EPS15L1: variants seen among roughly 807,000 people sequenced by gnomAD.
EPS15L1 encodes the protein epidermal growth factor receptor pathway substrate 15 like 1.
A neutral mutation model predicts 117.1 loss-of-function variants in EPS15L1; 43 were observed. The ratio of observed to expected loss-of-function variants is 0.37; its 90% CI spans 0.29 to 0.47. The LOEUF (loss-of-function observed/expected upper bound fraction) is 0.47. EPS15L1 is among the 20% of genes least tolerant of loss of function. EPS15L1 has a pLI of 0.99. For missense variants in EPS15L1, 981 were observed against 1,164.0 expected (o/e 0.84, Z 2.29); for synonymous variants, 459 against 470.5 (o/e 0.98, Z 0.32).
At chr19:16,468,865 A>G (rs1385362278) in intron 1 of EPS15L1, among the ~76,000 whole-genome samples, 1 of 152,162 alleles carries the variant, frequency 6.6e-6, no homozygotes, top group Non-Finnish European at 1.5e-5. Flanking sequence ...AAAATTGTTT[A>G]ATTAGCTGGG....
chr19:16,400,657 A>G (rs2092591366), intron 16 of EPS15L1: 6 of 985,324 alleles, frequency 6.1e-6, no homozygotes, highest in South Asian at 9.4e-5. Flanking sequence ...TATTTGTACA[A>G]CAGGATAAAA....
intron 1 of EPS15L1, among the ~76,000 whole-genome samples, chr19:16,444,183 AAAG>A (rs1448569130): frequency 6.6e-6 from 1 of 151,876 alleles, no homozygotes; most frequent in Non-Finnish European, 1.5e-5. Context: ...AAAAAAAAAA[AAAG>A]AGGAAAAGAA....
chr19:16,410,042 GA>G, intron 13 of EPS15L1, among the ~76,000 whole-genome samples: 1 of 149,956 alleles, frequency 6.7e-6, no homozygotes, highest in Non-Finnish European at 1.5e-5. Flanking sequence ...GCCGAGGCAC[GA>G]AAATCATTTG....
intron 16 of EPS15L1, among the ~76,000 whole-genome samples, chr19:16,400,321 A>AG (rs2092585594): frequency 6.7e-6 from 1 of 148,634 alleles, no homozygotes; most frequent in Admixed American, 6.9e-5. Flanking sequence ...TGGGAGACAG[A>AG]GCGAGACTCC....
chr19:16,392,307 C>G lies in EPS15L1; in HGVS notation c.2100G>C (p.Ser700=), dbSNP rs765050854. The G allele has an allele frequency of 6.2e-7, 1 of 1,613,824 alleles. No individual in the cohort carries two copies. The highest frequency in any genetic ancestry group is 8.5e-7 in the Non-Finnish European group (1 of 1,179,844). ...DPFTKNPSLP[S]KLDPFESSDP... ...GGCAACGTCCCACCCCACTCACCTT[C>G]GAAGGTAAGGAAGGGTTTTTCGTGA... Residue 700 remains serine (S), a synonymous_variant, in exon 19 of 24, where the codon TCG becomes TCC. Coordinates refer to ENST00000455140, the MANE Select transcript of EPS15L1 (RefSeq NM_001258374.3).
intron 1 of EPS15L1, among the ~76,000 whole-genome samples, chr19:16,462,400 C>A (rs1013166503): frequency 6.6e-6 from 1 of 152,136 alleles, no homozygotes; most frequent in Non-Finnish European, 1.5e-5. Flanking sequence ...GTGGCTCACA[C>A]CTGTAATCCC....
intron 7 of EPS15L1, among the ~76,000 whole-genome samples, chr19:16,433,889 G>C (rs1243322177): frequency 1.3e-5 from 2 of 152,044 alleles, no homozygotes; most frequent in African/African-American, 4.8e-5. Context: ...CTTGAACCGG[G>C]GAGGCAGAGG....
intron 13 of EPS15L1, chr19:16,413,466 G>A (rs1285388900): frequency 5.4e-6 from 4 of 742,196 alleles, no homozygotes; most frequent in Admixed American, 4.6e-5. Context: ...CCTCTGGAAG[G>A]AGACTGTATT....
At chr19:16,410,842 G>C (rs1190961208) in intron 13 of EPS15L1, among the ~76,000 whole-genome samples, 1 of 152,202 alleles carries the variant, frequency 6.6e-6, no homozygotes, top group African/African-American at 2.4e-5. Flanking sequence ...GAGTCTGGGA[G>C]GCAGAAGTTG....
chr19:16,361,562 G>A lies in EPS15L1; in HGVS notation c.2586+217C>T, dbSNP rs2092051511. The A allele has an allele frequency of 1.1e-5, 15 of 1,308,020 alleles. No individual in the cohort carries two copies. In the South Asian group the frequency reaches 2.5e-4, roughly 22 times the overall value. 81.0% of individuals were successfully genotyped at this position (1,308,020 alleles called of 1,614,324 possible). A position where few individuals can be genotyped will look rare whatever the true frequency, so the allele number is the denominator to read the frequency against. On this transcript the variant is annotated intron_variant, in intron 23 of 23. Coordinates refer to ENST00000455140, the MANE Select transcript of EPS15L1 (RefSeq NM_001258374.3). Reference sequence around the variant, plus strand: ...CTGCTGGAAGAAAACGTGCCCTTATGATAGAGCATCCAAACTGCGGCTCTT... The same window carrying A: ...CTGCTGGAAGAAAACGTGCCCTTATAATAGAGCATCCAAACTGCGGCTCTT...
At chr19:16,384,161 C>T (rs2092393805) in intron 21 of EPS15L1, 1 of 150,896 alleles carries the variant, frequency 6.6e-6, no homozygotes, top group Non-Finnish European at 1.5e-5. Flanking sequence ...GAAAGCAGGC[C>T]CCTGCAGCCC....
intron 23 of EPS15L1, among the ~76,000 whole-genome samples, chr19:16,360,136 A>T (rs750118617): frequency 1.3e-5 from 2 of 151,700 alleles, no homozygotes; most frequent in Non-Finnish European, 2.9e-5. Context: ...TAGAATTATG[A>T]ATTTCAGAAA....
At chr19:16,470,756 T>A (rs770646246) in intron 1 of EPS15L1, among the ~76,000 whole-genome samples, 4 of 152,082 alleles carry the variant, frequency 2.6e-5, no homozygotes, top group Non-Finnish European at 4.4e-5. Flanking sequence ...CTCTTTGGGT[T>A]TGGAATTCTT....
chr19:16,358,181 G>A (rs781093747), intron 23 of EPS15L1: 9 of 152,764 alleles, frequency 5.9e-5, no homozygotes, highest in South Asian at 4.1e-4. Context: ...TTCCCTTGAC[G>A]GGTCTGTGTT....
Position 16,404,978 on chromosome 19 carries a change from T to TA in EPS15L1, c.1267-230dup, listed in dbSNP as rs960919293. ...CCTCAGCAGGTATTTCCCGATGGCC[T>TA]AACAGAGGCCAGGTGCGAGAGAAGG... On this transcript the variant is annotated intron_variant, in intron 13 of 23. Transcript: ENST00000455140. This position sits in a 1 kb window ranked among gnomAD's most constrained non-coding sequence, Gnocchi z 4.2. Among the ~76,000 whole-genome samples the TA allele has an allele frequency of 7.9e-5, 12 of 152,174 alleles. No individual in the cohort carries two copies. The highest frequency in any genetic ancestry group is 2.9e-4 in the African/African-American group (12 of 41,442).
chr19:16,417,776 C>A, intron 11 of EPS15L1, 139 bp from the exon 12 acceptor site: 1 of 1,174,934 alleles, frequency 8.5e-7, no homozygotes, highest in South Asian at 1.4e-5. Context: ...CAGCCCCCTG[C>A]CTGGGGAAAT....
chr19:16,428,577 G>GGAAAAGAAAA (rs567923417), intron 8 of EPS15L1, 125 bp downstream of exon 8: 6 of 670,968 alleles, frequency 8.9e-6, no homozygotes, highest in Middle Eastern at 2.5e-4. Context: ...GAAAAGGAAA[G>GGAAAAGAAAA]GAAAAGAAAA....
chr19:16,413,140 C>T, intron 13 of EPS15L1: 2 of 667,082 alleles, frequency 3.0e-6, no homozygotes, highest in Non-Finnish European at 5.5e-6. Context: ...GAGGCGGCCA[C>T]TGCCATCCGC....
intron 21 of EPS15L1, among the ~76,000 whole-genome samples, chr19:16,380,504 T>C (rs2092349107): frequency 6.6e-6 from 1 of 151,996 alleles, no homozygotes; most frequent in Non-Finnish European, 1.5e-5. Flanking sequence ...TTCCAGGGTC[T>C]ACTCACACAC....
Sources: allele counts gnomAD v4.1 joint callset (sites outside exome capture counted in the v4.1 genomes callset), GRCh38; gene constraint gnomAD v4.1.1; non-coding constraint Gnocchi (gnomAD v3.1); transcripts MANE v1.5; gene names NCBI Gene and HGNC (gene_info 2026-07-23, HGNC 2026-07-21).